Variants in HOOK1 observed in about 807,000 individuals in gnomAD.
HOOK1 encodes protein Hook homolog 1.
Under a neutral mutation model 112.8 loss-of-function variants are expected in HOOK1, and 60 were observed. The ratio of observed to expected loss-of-function variants is 0.53; its 90% CI spans 0.43 to 0.66. The LOEUF is 0.66. Ranked by LOEUF, HOOK1 falls within the 30% of genes least tolerant of loss-of-function variation. The pLI is 0.00. For missense variants in HOOK1, 770 were observed against 856.0 expected, an observed-to-expected ratio of 0.90 and a Z score of 1.25; for synonymous variants, 294 against 283.8, an observed-to-expected ratio of 1.04 and a Z score of -0.36.
At chr1:59,815,378 G>A in intron 1 of HOOK1, 198 bp downstream of exon 1, 1 of 595,590 alleles carries the variant, frequency 1.7e-6, no homozygotes, top group South Asian at 2.0e-5. Flanking sequence ...TGGTGTCCGG[G>A]GGTGGGGGTA....
In HOOK1 at chr1:59,875,241, A is replaced by T. The variant is rs563835340; in HGVS notation, c.*2276A>T. On this transcript the variant is annotated 3_prime_UTR_variant, in exon 22 of 22. Coordinates refer to ENST00000371208, the MANE Select transcript of HOOK1 (RefSeq NM_015888.6). ...CACAGATCAGATCATTATACTTGGA[A>T]CTTCTAAATCATGCAATTTCTGAAT... 1 of 152,658 alleles carries T rather than the reference A, an allele frequency of 6.6e-6. No homozygotes were observed. The highest frequency in any genetic ancestry group is 6.5e-5 in the Admixed American group (1 of 15,300). 9.5% of individuals were successfully genotyped at this position (152,658 alleles called of 1,614,324 possible). A position where few individuals can be genotyped will look rare whatever the true frequency, so the allele number is the denominator to read the frequency against.
In HOOK1 at chr1:59,835,340, C is replaced by T; in HGVS notation, c.407-5C>T. ...TTTTTCAGATTTGATTTTTTTAAATCATAGAACATATTCAAAATATAATGA... is the reference window on the plus strand; with the variant it reads ...TTTTTCAGATTTGATTTTTTTAAATTATAGAACATATTCAAAATATAATGA... On this transcript the variant is annotated splice_region_variant and splice_polypyrimidine_tract_variant and intron_variant, in intron 5 of 21. Transcript: ENST00000371208. The T allele has an allele frequency of 6.5e-7, 1 of 1,533,950 alleles. No homozygotes were observed. Among genetic ancestry groups the T allele is most frequent in the Non-Finnish European group, 9.0e-7 (1 of 1,110,626 alleles).
chr1:59,860,797 G>A (rs1440921654), intron 15 of HOOK1, among the ~76,000 whole-genome samples: 4 of 145,012 alleles, frequency 2.8e-5, no homozygotes, highest in Non-Finnish European at 6.0e-5. Flanking sequence ...TTTTTGAGAC[G>A]GAGTCTTGCT....
rs1276014590 is a variant in HOOK1 at position 59,848,422 on chromosome 1, C to T, written c.1037C>T (p.Thr346Ile). 3 of 1,610,444 alleles carry T rather than the reference C, an allele frequency of 1.9e-6. No individual in the cohort carries two copies. Among genetic ancestry groups the T allele is most frequent in the Non-Finnish European group, 2.5e-6 (3 of 1,177,622 alleles). Residue 346 changes from threonine to isoleucine, a missense_variant, in exon 11 of 22, where the codon ACC (threonine) becomes ATC (isoleucine). By Grantham distance (89) the Thr-to-Ile change is moderately conservative. Transcript: ENST00000371208. ...LRKQVKTLQE[T>I]NMMYMHNTVS... The stretch of plus-strand genomic sequence containing the variant: ...AAGCAGGTGAAAACTTTACAGGAAA[C>T]CAACATGATGTATATGCATAATACA...
In HOOK1 at chr1:59,815,101, C is replaced by T; in HGVS notation, c.-17C>T. The T allele has an allele frequency of 6.5e-7, 1 of 1,539,004 alleles. No individual in the cohort carries two copies. Among genetic ancestry groups the T allele is most frequent in the Non-Finnish European group, 8.7e-7 (1 of 1,146,234 alleles). On this transcript the variant is annotated 5_prime_UTR_variant, in exon 1 of 22. Coordinates refer to ENST00000371208, the MANE Select transcript of HOOK1 (RefSeq NM_015888.6). Reference sequence around the variant, plus strand: ...AGTGTGAAGGTGTCCGCGGCGTCGTCGACGGCGGCGCCGGCCATGGAGGAG... The same window carrying T: ...AGTGTGAAGGTGTCCGCGGCGTCGTTGACGGCGGCGCCGGCCATGGAGGAG...
intron 3 of HOOK1, among the ~76,000 whole-genome samples, chr1:59,829,409 G>C (rs2098392209): frequency 6.6e-6 from 1 of 151,884 alleles, no homozygotes. Context: ...AATTTCTCTT[G>C]GGTGAATTTC....
intron 12 of HOOK1, among the ~76,000 whole-genome samples, chr1:59,855,675 T>C (rs1471710248): frequency 6.6e-6 from 1 of 151,772 alleles, no homozygotes; most frequent in African/African-American, 2.4e-5. Flanking sequence ...GCAATTTTTC[T>C]CTTCTTCTGG....
intron 3 of HOOK1, 88 bp downstream of exon 3, chr1:59,828,940 C>G: frequency 1.0e-6 from 1 of 988,700 alleles, no homozygotes; most frequent in Admixed American, 2.2e-5. Context: ...TTCAAATTAA[C>G]TTATAGTACT....
At position 59,835,412 on chromosome 1, in the gene HOOK1, G is replaced by A; in HGVS notation, c.474G>A (p.Glu158=). ...VQHVVMTAIQ[E]LMSKEILSSP... ...ATGTGGTCATGACTGCTATTCAAGA[G>A]GTAAGTTATATCATGTTCCTATGAG... The change falls in exon 6 of 22, where the codon GAG becomes GAA. Residue 158 remains glutamate, a splice_region_variant and synonymous_variant. Coordinates refer to ENST00000371208, the MANE Select transcript of HOOK1 (RefSeq NM_015888.6). 2.6e-6 allele frequency: 4 copies of A among 1,542,862 alleles called. No individual in the cohort carries two copies. The highest frequency in any genetic ancestry group is 3.6e-6 in the Non-Finnish European group (4 of 1,117,192).
intron 20 of HOOK1, among the ~76,000 whole-genome samples, chr1:59,868,831 C>A (rs1644011242): frequency 6.6e-6 from 1 of 152,164 alleles, no homozygotes; most frequent in South Asian, 2.1e-4. Flanking sequence ...CAGTGAACTC[C>A]TGAACTAAAG....
At chr1:59,858,767 G>A (rs1006490356) in intron 13 of HOOK1, among the ~76,000 whole-genome samples, 1 of 141,116 alleles carries the variant, frequency 7.1e-6, no homozygotes, top group Non-Finnish European at 1.5e-5. Context: ...AGGAGGGAAG[G>A]AAGGAAGGAA....
chr1:59,855,977 TATATA>T (rs2098410455), intron 12 of HOOK1, among the ~76,000 whole-genome samples: 35 of 85,644 alleles, frequency 4.1e-4, no homozygotes, highest in Non-Finnish European at 7.0e-4. Flanking sequence ...TATATATATA[TATATA>T]TATTTTTTTT....
At chr1:59,831,609 C>T (rs964943690) in intron 3 of HOOK1, among the ~76,000 whole-genome samples, 9 of 152,312 alleles carry the variant, frequency 5.9e-5, no homozygotes, top group Middle Eastern at 3.4e-3. Flanking sequence ...ATTCAAACTG[C>T]CCAGGCCTTC....
At chr1:59,822,022 C>T in intron 2 of HOOK1, 79 bp downstream of exon 2, 5 of 1,151,374 alleles carry the variant, frequency 4.3e-6, no homozygotes, top group East Asian at 2.4e-5. Context: ...ACTTGAATTC[C>T]AAAGGTTGTT....
intron 8 of HOOK1, 72 bp from the exon 9 acceptor site, chr1:59,843,360 A>G: frequency 9.4e-7 from 1 of 1,068,906 alleles, no homozygotes; most frequent in Non-Finnish European, 1.3e-6. Context: ...CCAGAACTCT[A>G]GACTCTAATA....
At chr1:59,840,236 G>A (rs1229162259) in intron 7 of HOOK1, 72 bp from the exon 8 acceptor site, 6 of 949,906 alleles carry the variant, frequency 6.3e-6, no homozygotes, top group African/African-American at 3.4e-5. Context: ...TGTGAGAAGA[G>A]TATATTTTTC....
chr1:59,860,333 T>C lies in HOOK1; in HGVS notation c.1532+5T>C. On this transcript the variant is annotated splice_donor_5th_base_variant and intron_variant, in intron 15 of 21. Coordinates refer to ENST00000371208, the MANE Select transcript of HOOK1 (RefSeq NM_015888.6). ...TGAACTGGAAACTGAGCAGAGGTGA[T>C]ATGCTCCTTAGTAACTGAAAATCTT... 1 of 1,568,110 alleles carries C rather than the reference T, an allele frequency of 6.4e-7. No homozygotes were observed.
rs935606203 is a variant in HOOK1, at chr1:59,873,136, C to T, written c.*171C>T. 3 of 482,914 alleles carry T rather than the reference C, an allele frequency of 6.2e-6. No individual in the cohort carries two copies. Among genetic ancestry groups the T allele is most frequent in the Non-Finnish European group, 1.0e-5 (3 of 291,974 alleles). The allele number at this position is 482,914 out of a possible 1,614,324, so 29.9% of individuals were successfully genotyped here. ...TAATTTTGCCAGTTGACTTTAAAAACAAATTATAGAATTAGCCATCTCTCT... is the reference window on the plus strand; with the variant it reads ...TAATTTTGCCAGTTGACTTTAAAAATAAATTATAGAATTAGCCATCTCTCT... On this transcript the variant is annotated 3_prime_UTR_variant, in exon 22 of 22. Coordinates refer to ENST00000371208, the MANE Select transcript of HOOK1 (RefSeq NM_015888.6).
At chr1:59,868,453 T>A in intron 20 of HOOK1, 102 bp downstream of exon 20, 1 of 768,952 alleles carries the variant, frequency 1.3e-6, no homozygotes, top group Non-Finnish European at 2.2e-6. Context: ...TACAAGAAGT[T>A]AAAAATGTCA....
Sources: gnomAD v4.1 joint callset for allele counts (sites outside exome capture counted in the v4.1 genomes callset) on GRCh38, gnomAD v4.1.1 for gene constraint, MANE v1.5 for transcripts, NCBI Gene and HGNC (gene_info 2026-07-23, HGNC 2026-07-21) for gene names.